The following USP31 variants were observed in gnomAD, a reference collection of about 807,000 sequenced individuals.
The protein encoded by USP31 is ubiquitin carboxyl-terminal hydrolase 31.
A neutral mutation model predicts 119.4 loss-of-function variants in USP31; 44 were observed. That is an observed-to-expected ratio of 0.37 (90% CI 0.29 to 0.47). The LOEUF is 0.47. USP31 is among the 20% of genes least tolerant of loss of function. The pLI, the probability that USP31 is intolerant of heterozygous loss-of-function variation, is 0.99. For synonymous variants in USP31, 749 were observed against 705.6 expected, an observed-to-expected ratio of 1.06 and a Z score of -0.97; for missense variants, 1,643 against 1,730.2, an observed-to-expected ratio of 0.95 and a Z score of 0.89.
In USP31 at chr16:23,068,152, G is replaced by C; in HGVS notation, c.3953C>G (p.Ser1318Cys). Residue 1318 changes from serine to cysteine, a missense_variant, in exon 16 of 16, where the codon TCT becomes TGT. This residue lies in a region of USP31 where 699 missense variants were observed against 650.9 expected (regional missense o/e 1.07). Coordinates refer to ENST00000219689, the MANE Select transcript of USP31 (RefSeq NM_020718.4). ...ARKSKSSQLD[S>C]GVPSSPGGRQ... ...GCCACCCGGAGACGAGGGAACTCCA[G>C]AGTCTAGTTGGGAAGACTTGGATTT... 1 of 1,614,218 alleles carries C rather than the reference G, an allele frequency of 6.2e-7. No individual in the cohort carries two copies. Among genetic ancestry groups the C allele is most frequent in the Non-Finnish European group, 8.5e-7 (1 of 1,180,042 alleles).
At position 23,070,007 on chromosome 16, in the gene USP31, G is replaced by A. The variant is rs561592200; in HGVS notation, c.2489-391C>T. Among the ~76,000 whole-genome samples, 9 of 152,310 alleles carry A rather than the reference G, an allele frequency of 5.9e-5. 1 individual carries two copies. The highest frequency in any genetic ancestry group is 3.9e-4 in the Admixed American group (6 of 15,304). On this transcript the variant is annotated intron_variant, in intron 15 of 15. Transcript: ENST00000219689. Reference sequence around the variant, plus strand: ...CACGTAAGAAAACGTGTCTGACTGCGTTCCAAAAATGTTTACAAAGAAAGG... The same window carrying A: ...CACGTAAGAAAACGTGTCTGACTGCATTCCAAAAATGTTTACAAAGAAAGG...
At chr16:23,091,213 G>A (rs1188471168) in intron 6 of USP31, among the ~76,000 whole-genome samples, 1 of 152,160 alleles carries the variant, frequency 6.6e-6, no homozygotes, top group Non-Finnish European at 1.5e-5. Context: ...CCTGATTAAA[G>A]AGCCAGACTT....
chr16:23,068,506 G>A lies in USP31; in HGVS notation c.3599C>T (p.Ser1200Phe). 2 of 1,613,726 alleles carry A rather than the reference G, an allele frequency of 1.2e-6. No individual in the cohort carries two copies. Among genetic ancestry groups the A allele is most frequent in the South Asian group, 1.1e-5 (1 of 91,048 alleles). The change falls in exon 16 of 16, where the codon TCC becomes TTC. Residue 1200 changes from serine to phenylalanine, a missense_variant. Around this residue, in one of 5 missense-constraint regions of USP31, gnomAD observed 699 missense variants for 650.9 expected, o/e 1.07. Coordinates refer to ENST00000219689, the MANE Select transcript of USP31 (RefSeq NM_020718.4). ...GCTGGGGGAGCGCAGGCTGGCCATG[G>A]AGGAGCTCCGCACGTGCTTCCCGGC... is the stretch of plus-strand genomic sequence containing the variant. Reference protein sequence around the residue: ...RGAGKHVRSSSMASLRSPSTS... With the variant: ...RGAGKHVRSSFMASLRSPSTS...
rs927530489 is a variant in USP31 at position 23,061,470 on chromosome 16, C to G, written c.*6576G>C. 10 of 152,510 alleles carry G rather than the reference C, an allele frequency of 6.6e-5. No individual in the cohort carries two copies. The highest frequency in any genetic ancestry group is 2.4e-4 in the African/African-American group (10 of 41,402). The allele number at this position is 152,510 out of a possible 1,614,324, so 9.4% of individuals were successfully genotyped here. ...TACATTTTCCACTTTTCTCTTAATT[C>G]CAACTGTATACTATATAATCAACGC... On this transcript the variant is annotated 3_prime_UTR_variant, in exon 16 of 16. Transcript: ENST00000219689.
chr16:23,137,372 G>A (rs1015410619), intron 1 of USP31, among the ~76,000 whole-genome samples: 1 of 152,158 alleles, frequency 6.6e-6, no homozygotes, highest in Non-Finnish European at 1.5e-5. Flanking sequence ...GTTAGTGGAA[G>A]ATAGTTTGAC....
At position 23,106,216 on chromosome 16, in the gene USP31, G is replaced by T. The variant is rs1379473672; in HGVS notation, c.950C>A (p.Thr317Lys). The change falls in exon 4 of 16, where the codon ACA becomes AAA. Residue 317 changes from threonine (T) to lysine (K), a missense_variant. Around this residue, in one of 5 missense-constraint regions of USP31, gnomAD observed 144 missense variants for 218.0 expected, o/e 0.66. Transcript: ENST00000219689. ...ATTTTACTAAATCCATTCTTACCTTGTGTGGGGCAGAGGAATTGGCAAAGA... is the reference window on the plus strand; with the variant it reads ...ATTTTACTAAATCCATTCTTACCTTTTGTGGGGCAGAGGAATTGGCAAAGA... ...CISLPIPLPHTRPLYVTVVYQ... is the reference protein window; with the variant it reads ...CISLPIPLPHKRPLYVTVVYQ... The T allele has an allele frequency of 6.2e-7, 1 of 1,614,150 alleles. No individual in the cohort carries two copies. The highest frequency in any genetic ancestry group is 8.5e-7 in the Non-Finnish European group (1 of 1,180,010).
chr16:23,117,760 T>TTTTTTTTTTTG (rs1555468289), intron 1 of USP31, among the ~76,000 whole-genome samples: 1 of 145,006 alleles, frequency 6.9e-6, no homozygotes, highest in Admixed American at 7.1e-5. Context: ...TCTTTTTTTT[T>TTTTTTTTTTTG]TTGTTGTTGT....
chr16:23,121,712 A>G (rs1902675430), intron 1 of USP31, among the ~76,000 whole-genome samples: 1 of 152,242 alleles, frequency 6.6e-6, no homozygotes, highest in African/African-American at 2.4e-5. Context: ...GCTATTTTCT[A>G]CTTAACAACT....
intron 1 of USP31, among the ~76,000 whole-genome samples, chr16:23,143,485 T>C (rs1054696561): frequency 6.6e-6 from 1 of 151,392 alleles, no homozygotes; most frequent in African/African-American, 2.4e-5. Context: ...AGGAAAGTGA[T>C]GCAAGGGTCC....
chr16:23,095,493 G>A (rs1901564599), intron 6 of USP31, among the ~76,000 whole-genome samples: 2 of 152,072 alleles, frequency 1.3e-5, no homozygotes, highest in Non-Finnish European at 1.5e-5. Flanking sequence ...AGGAAATATA[G>A]AGAACACCAC....
In USP31 at chr16:23,068,725, G is replaced by T. The variant is rs751248229; in HGVS notation, c.3380C>A (p.Ser1127Tyr). The T allele has an allele frequency of 1.2e-6, 2 of 1,612,000 alleles. No individual in the cohort carries two copies. The highest frequency in any genetic ancestry group is 2.7e-5 in the African/African-American group (2 of 74,978). The change falls in exon 16 of 16, where the codon TCC becomes TAC. Residue 1127 changes from serine (S) to tyrosine (Y), a missense_variant. Ser to Tyr is a moderately radical substitution (Grantham distance 144). Coordinates refer to ENST00000219689, the MANE Select transcript of USP31 (RefSeq NM_020718.4). Reference sequence around the variant, plus strand: ...GCCCGAGGCCTTTTTGGCAGATGTGGAGGAAGCAGTGTAGGTGAGGGCCGA... The same window carrying T: ...GCCCGAGGCCTTTTTGGCAGATGTGTAGGAAGCAGTGTAGGTGAGGGCCGA... ...SASALTYTAS[S>Y]TSAKKASGPA...
At position 23,100,045 on chromosome 16, in the gene USP31, G is replaced by A. The variant is rs546933487; in HGVS notation, c.1234+2274C>T. 5.1e-3 allele frequency among the ~76,000 whole-genome samples: 771 copies of A among 152,296 alleles called. 4 individuals carry two copies. The highest frequency in any genetic ancestry group is 0.014 in the Middle Eastern group (4 of 294). ...ATAATAATCAAGTGTTGGCGAGGAC[G>A]TAGAGAAACTGGAACCCTCAAACAC... On this transcript the variant is annotated intron_variant, in intron 6 of 15. Transcript: ENST00000219689.
At chr16:23,096,529 C>A (rs905713332) in intron 6 of USP31, among the ~76,000 whole-genome samples, 1 of 152,234 alleles carries the variant, frequency 6.6e-6, no homozygotes, top group Non-Finnish European at 1.5e-5. Context: ...CCCAAATCAA[C>A]AGAATATACA....
At chr16:23,128,386 C>A (rs919447794) in intron 1 of USP31, among the ~76,000 whole-genome samples, 6 of 152,086 alleles carry the variant, frequency 3.9e-5, no homozygotes, top group African/African-American at 1.4e-4. Context: ...AAAAATGGGA[C>A]AATTTTGAGC....
At chr16:23,131,008 G>A (rs370850843) in intron 1 of USP31, among the ~76,000 whole-genome samples, 34 of 152,222 alleles carry the variant, frequency 2.2e-4, no homozygotes, top group Middle Eastern at 3.4e-3. Flanking sequence ...CGCTATACCC[G>A]TCAAGACATT....
chr16:23,109,099 T>C (rs1032450198), intron 1 of USP31, among the ~76,000 whole-genome samples: 3 of 152,196 alleles, frequency 2.0e-5, no homozygotes, highest in Admixed American at 6.5e-5. Flanking sequence ...GAAGTTGGTA[T>C]AAACTCCTAT....
At chr16:23,084,469 T>A (rs1017427141) in intron 11 of USP31, among the ~76,000 whole-genome samples, 10 of 152,182 alleles carry the variant, frequency 6.6e-5, no homozygotes, top group South Asian at 4.1e-4. Flanking sequence ...ATTAATTTTT[T>A]AAATTTAATT....
At chr16:23,101,268 T>C (rs534467169) in intron 6 of USP31, among the ~76,000 whole-genome samples, 18 of 152,154 alleles carry the variant, frequency 1.2e-4, no homozygotes, top group African/African-American at 4.3e-4. Flanking sequence ...CTATGAGAAT[T>C]TTGAAGGAGA....
chr16:23,072,282 G>A (rs752828927), intron 14 of USP31, 85 bp from the exon 15 acceptor site: 9 of 1,528,058 alleles, frequency 5.9e-6, no homozygotes, highest in South Asian at 2.4e-5. Flanking sequence ...AAGGTGTTAC[G>A]AGCTGAGCTG....
Sources: gnomAD v4.1 joint callset for allele counts (sites outside exome capture counted in the v4.1 genomes callset) on GRCh38, gnomAD v4.1.1 for gene constraint, gnomAD v4.1.1 regional missense constraint, MANE v1.5 for transcripts, NCBI Gene and HGNC (gene_info 2026-07-23, HGNC 2026-07-21) for gene names.